The following RBFOX3 variants were observed in gnomAD, a reference collection of about 807,000 sequenced individuals.
The protein encoded by RBFOX3 is RNA binding protein fox-1 homolog 3.
In RBFOX3, 17 loss-of-function variants were observed where a neutral mutation model predicts 48.7. The observed-to-expected ratio is 0.35, with a 90% confidence interval of 0.24 to 0.52. RBFOX3 has a LOEUF of 0.52. RBFOX3 is among the 20% of genes least tolerant of loss of function. The pLI is 0.94. For synonymous variants in RBFOX3, 212 were observed against 209.5 expected (o/e 1.01, Z -0.10); for missense variants, 382 against 497.5 (o/e 0.77, Z 2.21).
chr17:79,404,207 G>A (rs984356349), intron 2 of RBFOX3, among the ~76,000 whole-genome samples: 5 of 152,230 alleles, frequency 3.3e-5, no homozygotes, highest in Admixed American at 2.0e-4. Flanking sequence ...ACAAGCTGGC[G>A]GGAAGCCGCA....
At chr17:79,325,184 C>T (rs1393839021) in intron 2 of RBFOX3, among the ~76,000 whole-genome samples, 1 of 152,204 alleles carries the variant, frequency 6.6e-6, no homozygotes, top group African/African-American at 2.4e-5. Context: ...GGAAACTGAG[C>T]CAAAGGACAA....
chr17:79,619,523 C>T, the RBFOX3 span, among the ~76,000 whole-genome samples: 1 of 152,170 alleles, frequency 6.6e-6, no homozygotes, highest in African/African-American at 2.4e-5. Context: ...TGTACAAGGG[C>T]AGCAGTCGTT....
intron 3 of RBFOX3, among the ~76,000 whole-genome samples, chr17:79,293,667 G>A (rs986914522): frequency 6.6e-6 from 1 of 152,056 alleles, no homozygotes; most frequent in African/African-American, 2.4e-5. Context: ...TGGCTGGGCT[G>A]GTCTCGAACT....
intron 1 of RBFOX3, among the ~76,000 whole-genome samples, chr17:79,555,497 T>C (rs1193127903): frequency 5.8e-5 from 6 of 103,978 alleles, no homozygotes; most frequent in African/African-American, 2.6e-4. Flanking sequence ...ATGACAGTGG[T>C]GGTGGTGGTG....
chr17:79,603,565 T>C (rs1426213113), intron 1 of RBFOX3, among the ~76,000 whole-genome samples: 1 of 152,216 alleles, frequency 6.6e-6, no homozygotes, highest in Non-Finnish European at 1.5e-5. Context: ...AACCTCTCTA[T>C]AGAGACATGC....
chr17:79,555,394 G>A (rs1279733283), intron 1 of RBFOX3, among the ~76,000 whole-genome samples: 3 of 34,070 alleles, frequency 8.8e-5, no homozygotes, highest in African/African-American at 5.4e-4. Flanking sequence ...GGTGGTGATG[G>A]TGGTGATGAT....
chr17:79,519,043 C>G (rs1258648677), intron 1 of RBFOX3, among the ~76,000 whole-genome samples: 3 of 152,166 alleles, frequency 2.0e-5, no homozygotes, highest in East Asian at 1.9e-4. Context: ...AAGAGAAGCC[C>G]GGGGCTGGCA....
At chr17:79,167,444 G>C (rs951382511) in intron 4 of RBFOX3, among the ~76,000 whole-genome samples, 2 of 146,872 alleles carry the variant, frequency 1.4e-5, no homozygotes, top group Admixed American at 1.3e-4. Context: ...GCTGATGTCA[G>C]GGCTGTGGGT....
chr17:79,297,287 C>T (rs2377396), intron 3 of RBFOX3, among the ~76,000 whole-genome samples: 81,620 of 151,950 alleles, frequency 0.54, 22,114 homozygotes, highest in Middle Eastern at 0.66. Context: ...GGGATCCAGC[C>T]TCCCAGGCAG....
chr17:79,228,333 C>A (rs145179963), intron 4 of RBFOX3, among the ~76,000 whole-genome samples: 1 of 152,156 alleles, frequency 6.6e-6, no homozygotes, highest in Non-Finnish European at 1.5e-5. Context: ...TGACGCCTCC[C>A]GCTCCCTGAA....
intron 2 of RBFOX3, among the ~76,000 whole-genome samples, chr17:79,437,492 G>C (rs1205886516): frequency 3.3e-5 from 5 of 152,228 alleles, no homozygotes; most frequent in African/African-American, 1.2e-4. Context: ...TCCAGGCTCT[G>C]AGGTCCTGGA....
chr17:79,514,726 T>TC (rs2084997193), intron 1 of RBFOX3, among the ~76,000 whole-genome samples: 1 of 152,132 alleles, frequency 6.6e-6, no homozygotes, highest in East Asian at 1.9e-4. Context: ...GGCATCTGCA[T>TC]CCCCCCAGGC....
chr17:79,375,525 G>A (rs963042842), intron 2 of RBFOX3, among the ~76,000 whole-genome samples: 1 of 152,198 alleles, frequency 6.6e-6, no homozygotes, highest in Admixed American at 6.5e-5. Context: ...GGGCTCTGGG[G>A]AGGGAGCAGC....
intron 1 of RBFOX3, among the ~76,000 whole-genome samples, chr17:79,521,289 CACACTCACAGAT>C (rs1427614796): frequency 6.6e-6 from 1 of 150,420 alleles, no homozygotes; most frequent in Non-Finnish European, 1.5e-5. Flanking sequence ...CATGCACAGA[CACACTCACAGAT>C]ACACACACAT....
At chr17:79,582,297 C>T (rs2093096521) in intron 1 of RBFOX3, among the ~76,000 whole-genome samples, 1 of 151,616 alleles carries the variant, frequency 6.6e-6, no homozygotes, top group East Asian at 1.9e-4. Context: ...TGTGTGCATG[C>T]ATGTGCCTAT....
intron 1 of RBFOX3, among the ~76,000 whole-genome samples, chr17:79,507,464 C>T (rs996347167): frequency 5.9e-5 from 9 of 152,096 alleles, no homozygotes; most frequent in Non-Finnish European, 1.0e-4. Flanking sequence ...CAGGTGCCCG[C>T]GGGATGCTGG....
chr17:79,424,720 C>T (rs530421987), intron 2 of RBFOX3, among the ~76,000 whole-genome samples: 2 of 152,308 alleles, frequency 1.3e-5, no homozygotes, highest in East Asian at 3.9e-4. Context: ...AGTCTTCCCC[C>T]TCGGGCCGGG....
the RBFOX3 span, among the ~76,000 whole-genome samples, chr17:79,620,852 C>G: frequency 6.6e-6 from 1 of 152,196 alleles, no homozygotes; most frequent in Non-Finnish European, 1.5e-5. Flanking sequence ...CATTCCTGCC[C>G]TTGGGACCCA....
At chr17:79,408,522 G>A (rs537992591) in intron 2 of RBFOX3, among the ~76,000 whole-genome samples, 15 of 152,272 alleles carry the variant, frequency 9.9e-5, no homozygotes, top group Admixed American at 3.9e-4. Context: ...TAAAGACAGC[G>A]ACCTCCGAAC....
Sources: gnomAD v4.1 joint callset for allele counts (sites outside exome capture counted in the v4.1 genomes callset) on GRCh38, gnomAD v4.1.1 for gene constraint, MANE v1.5 for transcripts, NCBI Gene and HGNC (gene_info 2026-07-23, HGNC 2026-07-21) for gene names.